The following KCNAB1 variants were observed in gnomAD, a reference collection of about 807,000 sequenced individuals.
KCNAB1 encodes the protein voltage-gated potassium channel subunit beta-1.
Under a neutral mutation model 64.6 loss-of-function variants are expected in KCNAB1, and 35 were observed. That is an observed-to-expected ratio of 0.54 (90% CI 0.41 to 0.72). KCNAB1 has a LOEUF of 0.72. Ranked by LOEUF, KCNAB1 falls within the 30% of genes least tolerant of loss-of-function variation. The pLI, the probability that KCNAB1 is intolerant of heterozygous loss-of-function variation, is 0.00. For synonymous variants in KCNAB1, 177 were observed against 183.8 expected, an observed-to-expected ratio of 0.96 and a Z score of 0.30; for missense variants, 401 against 512.9, an observed-to-expected ratio of 0.78 and a Z score of 2.11.
chr3:156,147,349 C>A (rs1715098581), intron 1 of KCNAB1, among the ~76,000 whole-genome samples: 1 of 152,202 alleles, frequency 6.6e-6, no homozygotes, highest in Admixed American at 6.5e-5. Flanking sequence ...ATCCTTATAG[C>A]AAACACAGCA....
chr3:156,282,286 T>G (rs1037667076), intron 1 of KCNAB1, among the ~76,000 whole-genome samples: 1 of 149,852 alleles, frequency 6.7e-6, no homozygotes. Context: ...TTGAGTGAGA[T>G]TCTTAATCCT....
At chr3:156,520,808 A>G (rs541280077) in intron 11 of KCNAB1, among the ~76,000 whole-genome samples, 1 of 152,316 alleles carries the variant, frequency 6.6e-6, no homozygotes, top group Non-Finnish European at 1.5e-5. Context: ...TTTTGAGTCA[A>G]AGACTTTGAA....
At chr3:156,328,085 A>G (rs1343395372) in intron 1 of KCNAB1, among the ~76,000 whole-genome samples, 2 of 152,152 alleles carry the variant, frequency 1.3e-5, no homozygotes, top group Admixed American at 6.6e-5. Flanking sequence ...TCCATACCTC[A>G]TAACATGAAA....
intron 1 of KCNAB1, among the ~76,000 whole-genome samples, chr3:156,316,843 A>G (rs1476611470): frequency 6.6e-6 from 1 of 152,240 alleles, no homozygotes; most frequent in Non-Finnish European, 1.5e-5. Context: ...TGGGAACTCC[A>G]AAGATGAAAT....
At chr3:156,522,732 A>G (rs1718036594) in intron 11 of KCNAB1, among the ~76,000 whole-genome samples, 1 of 152,258 alleles carries the variant, frequency 6.6e-6, no homozygotes, top group Admixed American at 6.5e-5. Context: ...AACAAAAGCC[A>G]GCAGCCTATT....
At chr3:156,252,168 T>C (rs140807105) in intron 1 of KCNAB1, among the ~76,000 whole-genome samples, 2,641 of 152,312 alleles carry the variant, frequency 0.017, 53 homozygotes, top group South Asian at 0.023. Context: ...ATACAGACAT[T>C]GGGATATTGC....
At chr3:156,270,859 C>G (rs976792336) in intron 1 of KCNAB1, among the ~76,000 whole-genome samples, 4 of 152,062 alleles carry the variant, frequency 2.6e-5, no homozygotes, top group African/African-American at 9.7e-5. Flanking sequence ...TAGCATTTCT[C>G]GTGGGACAGG....
intron 1 of KCNAB1, chr3:156,227,600 G>A (rs932920809): frequency 6.6e-6 from 1 of 152,152 alleles, no homozygotes; most frequent in African/African-American, 2.4e-5. Context: ...AAGAAAGAAG[G>A]CAAATGAGAC....
intron 7 of KCNAB1, among the ~76,000 whole-genome samples, chr3:156,470,984 G>A (rs968085987): frequency 9.9e-5 from 15 of 152,250 alleles, no homozygotes; most frequent in African/African-American, 3.4e-4. Context: ...AAAGAAGCAG[G>A]TGTCTCAAAT....
At chr3:156,196,221 A>G (rs931808701) in intron 1 of KCNAB1, among the ~76,000 whole-genome samples, 3 of 152,118 alleles carry the variant, frequency 2.0e-5, no homozygotes, top group African/African-American at 4.8e-5. Context: ...GCCATGTAGT[A>G]TAGTTTGAAG....
chr3:156,509,047 C>T (rs780448103), intron 8 of KCNAB1, among the ~76,000 whole-genome samples: 4 of 147,802 alleles, frequency 2.7e-5, no homozygotes, highest in African/African-American at 5.1e-5. Context: ...ATTTCCCAGG[C>T]GATTCTGATT....
At chr3:156,139,545 C>T (rs1714568915) in intron 1 of KCNAB1, among the ~76,000 whole-genome samples, 2 of 134,894 alleles carry the variant, frequency 1.5e-5, no homozygotes, top group East Asian at 2.3e-4. Flanking sequence ...TGCAACTTTA[C>T]TTGGGAATGC....
intron 1 of KCNAB1, among the ~76,000 whole-genome samples, chr3:156,196,655 A>AT (rs1206248052): frequency 6.6e-6 from 1 of 152,078 alleles, no homozygotes; most frequent in Non-Finnish European, 1.5e-5. Flanking sequence ...TTGCACATTG[A>AT]TTTTGTATCC....
intron 1 of KCNAB1, among the ~76,000 whole-genome samples, chr3:156,305,143 C>T (rs191978505): frequency 1.3e-4 from 19 of 151,820 alleles, no homozygotes; most frequent in East Asian, 5.8e-4. Flanking sequence ...TAATTGCAAG[C>T]GACCATATAC....
At chr3:156,203,107 A>G (rs1262097631) in intron 1 of KCNAB1, among the ~76,000 whole-genome samples, 1 of 152,226 alleles carries the variant, frequency 6.6e-6, no homozygotes, top group Non-Finnish European at 1.5e-5. Flanking sequence ...AAACTATGGT[A>G]TGACCCACAT....
chr3:156,463,676 T>C (rs986789522), intron 5 of KCNAB1, 26 bp from the exon 6 acceptor site: 5 of 1,570,156 alleles, frequency 3.2e-6, no homozygotes, highest in Non-Finnish European at 3.5e-6. Context: ...TTACTACTTC[T>C]CTGTGTTTGT....
chr3:156,175,330 G>A lies in KCNAB1; in HGVS notation c.275+54444G>A, dbSNP rs541869210. Reference sequence around the variant, plus strand: ...AGAAAAAGAAAAAATAAAATACAACGTCCCTGAAGGCCGGGCACGGTGGCT... The same window carrying A: ...AGAAAAAGAAAAAATAAAATACAACATCCCTGAAGGCCGGGCACGGTGGCT... On this transcript the variant is annotated intron_variant, in intron 1 of 13. Coordinates refer to ENST00000490337, the MANE Select transcript of KCNAB1 (RefSeq NM_172160.3). Among the ~76,000 whole-genome samples the A allele has an allele frequency of 1.3e-4, 20 of 152,148 alleles. 1 individual carries two copies. The highest frequency in any genetic ancestry group is 1.9e-4 in the Non-Finnish European group (13 of 67,960).
At chr3:156,121,478 G>A (rs1425909478) in intron 1 of KCNAB1, among the ~76,000 whole-genome samples, 4 of 152,132 alleles carry the variant, frequency 2.6e-5, no homozygotes, top group Non-Finnish European at 5.9e-5. Flanking sequence ...AATCTCTATG[G>A]GTTTTCTTTC....
At chr3:156,176,672 G>T in intron 1 of KCNAB1, 1 of 1,044,406 alleles carries the variant, frequency 9.6e-7, no homozygotes, top group Non-Finnish European at 1.5e-6. Context: ...TGCTAAGGTG[G>T]ATCGGTTGGG....
Sources: allele counts gnomAD v4.1 joint callset (sites outside exome capture counted in the v4.1 genomes callset), GRCh38; gene constraint gnomAD v4.1.1; transcripts MANE v1.5; gene names NCBI Gene and HGNC (gene_info 2026-07-23, HGNC 2026-07-21).